Variants in MECOM observed in about 807,000 individuals in gnomAD.
MECOM encodes MDS1 and EVI1 complex locus, also known as histone-lysine N-methyltransferase MECOM.
In MECOM, 13 loss-of-function variants were observed where a neutral mutation model predicts 116.3. The ratio of observed to expected loss-of-function variants is 0.11; its 90% CI spans 0.07 to 0.18. The LOEUF is 0.18. Among genes scored for constraint, MECOM ranks in the 10% least tolerant of loss-of-function variants. The probability of loss-of-function intolerance (pLI) is 1.00; values close to 1 mark genes in which losing one functional copy is unlikely to be tolerated. For synonymous variants in MECOM, 528 were observed against 535.2 expected, an observed-to-expected ratio of 0.99 and a Z score of 0.19; for missense variants, 1,299 against 1,509.0, an observed-to-expected ratio of 0.86 and a Z score of 2.31.
intron 1 of MECOM, among the ~76,000 whole-genome samples, chr3:169,501,299 C>T (rs1297305015): frequency 6.6e-6 from 1 of 151,892 alleles, no homozygotes; most frequent in South Asian, 2.1e-4. Context: ...TTTCCTATAT[C>T]TCATATGTAG....
rs1747818843 is a variant in MECOM at position 169,463,703 on chromosome 3, G to A, written c.38-82179C>T. 2.0e-5 allele frequency among the ~76,000 whole-genome samples: 3 copies of A among 152,114 alleles called. No homozygotes were observed. The South Asian group carries it at 6.2e-4, about 31-fold the overall frequency. Reference sequence around the variant, plus strand: ...ATAGTAAAACCTTAAATATTTACATGTATCAAGTTATACGTTTAATTTTTT... The same window carrying A: ...ATAGTAAAACCTTAAATATTTACATATATCAAGTTATACGTTTAATTTTTT... On this transcript the variant is annotated intron_variant, in intron 1 of 16. Transcript: ENST00000651503.
intron 1 of MECOM, among the ~76,000 whole-genome samples, chr3:169,448,272 G>C (rs889618462): frequency 2.0e-5 from 3 of 152,152 alleles, no homozygotes; most frequent in African/African-American, 7.2e-5. Context: ...TACGTTGTGG[G>C]AATGCTTAGG....
intron 2 of MECOM, among the ~76,000 whole-genome samples, chr3:169,201,719 T>G (rs571010278): frequency 2.2e-4 from 34 of 152,252 alleles, no homozygotes; most frequent in African/African-American, 7.5e-4. Flanking sequence ...TAATGCCAAC[T>G]TGGCTAAACG....
At chr3:169,499,346 CAAA>C (rs60302997) in intron 1 of MECOM, among the ~76,000 whole-genome samples, 1,232 of 51,426 alleles carry the variant, frequency 0.024, 7 homozygotes, top group Non-Finnish European at 0.035. Flanking sequence ...AGATTACCCA[CAAA>C]AAAAAAAAAA....
At chr3:169,384,000 C>T (rs1004193854) in intron 1 of MECOM, among the ~76,000 whole-genome samples, 2 of 152,126 alleles carry the variant, frequency 1.3e-5, no homozygotes, top group African/African-American at 4.8e-5. Context: ...TATTCTCTTC[C>T]TTGAATTATT....
intron 2 of MECOM, among the ~76,000 whole-genome samples, chr3:169,306,383 G>A (rs865885898): frequency 6.6e-6 from 1 of 152,238 alleles, no homozygotes; most frequent in African/African-American, 2.4e-5. Flanking sequence ...AAAATAGAAA[G>A]AAGTGGCAGA....
chr3:169,482,032 T>C (rs1481431043), intron 1 of MECOM, among the ~76,000 whole-genome samples: 1 of 152,212 alleles, frequency 6.6e-6, no homozygotes, highest in African/African-American at 2.4e-5. Flanking sequence ...GGGAATATGC[T>C]ATCTCTCTCC....
At chr3:169,456,719 T>A (rs1578150910) in intron 1 of MECOM, among the ~76,000 whole-genome samples, 1 of 152,024 alleles carries the variant, frequency 6.6e-6, no homozygotes, top group Non-Finnish European at 1.5e-5. Context: ...CTTTCCATCA[T>A]CCCCTCCGTA....
rs565724757 is a variant in MECOM at position 169,440,786 on chromosome 3, A to G, written c.38-59262T>C. On this transcript the variant is annotated intron_variant, in intron 1 of 16. Coordinates refer to ENST00000651503, the MANE Select transcript of MECOM (RefSeq NM_004991.4). ...TGATGTTGGGAGGGGGAGATGAGAA[A>G]TTGAACACAACTAGCCCCTTCTCTC... 2.0e-5 allele frequency among the ~76,000 whole-genome samples: 3 copies of G among 152,254 alleles called. No individual in the cohort carries two copies. In the South Asian group the frequency reaches 6.2e-4, roughly 32 times the overall value.
chr3:169,474,486 T>G (rs1277777544), intron 1 of MECOM, among the ~76,000 whole-genome samples: 1 of 152,202 alleles, frequency 6.6e-6, no homozygotes, highest in African/African-American at 2.4e-5. Flanking sequence ...TGGGACAGTT[T>G]TATTGCAACA....
At chr3:169,195,019 C>T (rs1390950137) in intron 2 of MECOM, among the ~76,000 whole-genome samples, 2 of 152,024 alleles carry the variant, frequency 1.3e-5, no homozygotes, top group Non-Finnish European at 2.9e-5. Flanking sequence ...ATCATTCTAG[C>T]AAGTTATAGA....
At chr3:169,263,108 T>C (rs1757775705) in intron 2 of MECOM, among the ~76,000 whole-genome samples, 1 of 98,770 alleles carries the variant, frequency 1.0e-5, no homozygotes, top group Non-Finnish European at 1.9e-5. Context: ...TATATATATA[T>C]ATATATATAT....
chr3:169,133,016 C>T (rs776054930), intron 3 of MECOM, among the ~76,000 whole-genome samples: 3 of 151,850 alleles, frequency 2.0e-5, no homozygotes, highest in East Asian at 1.9e-4. Context: ...GGCCTCTCAA[C>T]GTCCTAGGAT....
At chr3:169,143,912 T>C in intron 2 of MECOM, 80 bp from the exon 3 acceptor site, 1 of 1,423,616 alleles carries the variant, frequency 7.0e-7, no homozygotes, top group East Asian at 2.5e-5. Flanking sequence ...AAATATTTCA[T>C]TGAAATGTAT....
Position 169,100,925 on chromosome 3 carries a change from T to C in MECOM, c.2809A>G (p.Thr937Ala). The C allele has an allele frequency of 6.2e-7, 1 of 1,609,092 alleles. No homozygotes were observed. Among genetic ancestry groups the C allele is most frequent in the Non-Finnish European group, 8.5e-7 (1 of 1,176,896 alleles). Residue 937 changes from threonine (T) to alanine (A), a missense_variant, in exon 12 of 17, where the codon ACA (threonine) becomes GCA (alanine). Around this residue, in one of 6 missense-constraint regions of MECOM, gnomAD observed 32 missense variants for 96.7 expected, o/e 0.33. Coordinates refer to ENST00000651503, the MANE Select transcript of MECOM (RefSeq NM_004991.4). Reference sequence around the variant, plus strand: ...CCTGTGTGGGTTCTCAAGTGCCGTGTTAGGTTTGCAGACCTTGGAAAAATC... The same window carrying C: ...CCTGTGTGGGTTCTCAAGTGCCGTGCTAGGTTTGCAGACCTTGGAAAAATC... Reference protein sequence around the residue: ...GKIFPRSANLTRHLRTHTGEQ... With the variant: ...GKIFPRSANLARHLRTHTGEQ...
intron 1 of MECOM, among the ~76,000 whole-genome samples, chr3:169,624,291 A>C (rs1771095081): frequency 6.6e-6 from 1 of 151,824 alleles, no homozygotes; most frequent in Non-Finnish European, 1.5e-5. Context: ...AATTACACAC[A>C]TGCTGACCAG....
At position 169,471,723 on chromosome 3, in the gene MECOM, G is replaced by T. The variant is rs540496268; in HGVS notation, c.38-90199C>A. Among the ~76,000 whole-genome samples, 5 of 152,256 alleles carry T rather than the reference G, an allele frequency of 3.3e-5. No homozygotes were observed. The South Asian group carries it at 1.0e-3, about 32-fold the overall frequency. On this transcript the variant is annotated intron_variant, in intron 1 of 16. Transcript: ENST00000651503. ...TTTCCTCCTGGCTCCTCATCACAAT[G>T]CCTGGAATCACATTTGTATAATTTT... is the stretch of plus-strand genomic sequence containing the variant.
chr3:169,478,923 T>C (rs1216829805), intron 1 of MECOM, among the ~76,000 whole-genome samples: 9 of 152,236 alleles, frequency 5.9e-5, no homozygotes, highest in Admixed American at 5.9e-4. Context: ...CACAATCTTG[T>C]AATGCTACAA....
At chr3:169,295,035 G>T (rs1173797267) in intron 2 of MECOM, among the ~76,000 whole-genome samples, 2 of 151,950 alleles carry the variant, frequency 1.3e-5, no homozygotes, top group Admixed American at 1.3e-4. Flanking sequence ...AAAAAAAAAT[G>T]TTTTCTATCT....
Sources: allele counts gnomAD v4.1 joint callset (sites outside exome capture counted in the v4.1 genomes callset), GRCh38; gene constraint gnomAD v4.1.1; regional missense constraint gnomAD v4.1.1; transcripts MANE v1.5; gene names NCBI Gene and HGNC (gene_info 2026-07-23, HGNC 2026-07-21).